Variants in CADM2 observed in about 807,000 individuals in gnomAD.
CADM2 encodes cell adhesion molecule 2.
In CADM2, 12 loss-of-function variants were observed where a neutral mutation model predicts 49.8. The observed-to-expected ratio is 0.24, with a 90% CI of 0.15 to 0.39. The LOEUF (loss-of-function observed/expected upper bound fraction) is 0.39, where lower values mean the gene tolerates loss of function less well. Ranked by LOEUF, CADM2 falls within the 10% of genes least tolerant of loss-of-function variation. The pLI is 1.00. For synonymous variants in CADM2, 214 were observed against 175.4 expected (o/e 1.22, Z -1.74); for missense variants, 378 against 492.3 (o/e 0.77, Z 2.20).
chr3:85,853,376 T>C (rs2108297901), intron 3 of CADM2, among the ~76,000 whole-genome samples: 1 of 152,166 alleles, frequency 6.6e-6, no homozygotes, highest in South Asian at 2.1e-4. Flanking sequence ...GTGAATAGAA[T>C]ATTTATGTAT....
chr3:85,836,971 T>A (rs2074437080), intron 3 of CADM2, among the ~76,000 whole-genome samples: 1 of 151,604 alleles, frequency 6.6e-6, no homozygotes, highest in Non-Finnish European at 1.5e-5. Context: ...AATTATGAAT[T>A]ACATAGGAGG....
chr3:85,111,316 A>G (rs1265230370), intron 1 of CADM2, among the ~76,000 whole-genome samples: 1 of 151,810 alleles, frequency 6.6e-6, no homozygotes, highest in African/African-American at 2.4e-5. Context: ...AACTTTTTAA[A>G]GTTAAAAAAT....
At chr3:85,942,595 T>A (rs138925793) in intron 7 of CADM2, among the ~76,000 whole-genome samples, 165 of 151,592 alleles carry the variant, frequency 1.1e-3, no homozygotes, top group African/African-American at 3.8e-3. Context: ...TATGTTTTTT[T>A]GTTCTTGCGA....
intron 7 of CADM2, among the ~76,000 whole-genome samples, chr3:85,948,342 T>C (rs75800708): frequency 0.012 from 1,779 of 151,538 alleles, 36 homozygotes; most frequent in African/African-American, 0.039. Flanking sequence ...TTTCGTAACA[T>C]GTATCATAAA....
intron 1 of CADM2, among the ~76,000 whole-genome samples, chr3:85,159,709 A>T (rs1178319030): frequency 1.3e-5 from 2 of 152,018 alleles, no homozygotes; most frequent in African/African-American, 4.8e-5. Flanking sequence ...AGCTTGGTTT[A>T]TTTTTGCTTC....
Position 85,303,401 on chromosome 3 carries a change from C to G in CADM2, c.61+343733C>G, listed in dbSNP as rs1285246389. 2.0e-5 allele frequency among the ~76,000 whole-genome samples: 3 copies of G among 151,894 alleles called. No homozygotes were observed. The East Asian group carries it at 5.8e-4, about 29-fold the overall frequency. ...AATTAGCTCTCACACCCACACTGCG[C>G]AAAGTACAGCAACTGTCTGATAGAA... On this transcript the variant is annotated intron_variant, in intron 1 of 9. Transcript: ENST00000383699.
intron 1 of CADM2, among the ~76,000 whole-genome samples, chr3:85,327,256 A>G (rs919762345): frequency 2.6e-5 from 4 of 151,634 alleles, no homozygotes; most frequent in Non-Finnish European, 4.4e-5. Context: ...ATTCATTCAT[A>G]TTTATTATTT....
chr3:85,281,636 G>T (rs2043501766), intron 1 of CADM2, among the ~76,000 whole-genome samples: 1 of 151,998 alleles, frequency 6.6e-6, no homozygotes. Flanking sequence ...AGTGTTTTGT[G>T]TTTTCAAAGA....
intron 1 of CADM2, among the ~76,000 whole-genome samples, chr3:85,411,278 G>A (rs1210827480): frequency 6.6e-6 from 1 of 152,126 alleles, no homozygotes; most frequent in Non-Finnish European, 1.5e-5. Context: ...GAGAAAGATG[G>A]ATTTGTACTG....
At position 86,069,450 on chromosome 3, in the gene CADM2, A is replaced by G. The variant is rs182386626; in HGVS notation, c.*2667A>G. 6.6e-6 allele frequency: 1 copy of G among 152,072 alleles called. No homozygotes were observed. The highest frequency in any genetic ancestry group is 2.4e-5 in the African/African-American group (1 of 41,548). The allele number at this position is 152,072 out of a possible 1,614,324, so 9.4% of individuals were successfully genotyped here. On this transcript the variant is annotated 3_prime_UTR_variant, in exon 10 of 10. Transcript: ENST00000383699. ...TGAGACACCATGTTCTGAACTGGAGAAAACAATATCAATGAAGTCATATTT... is the reference window on the plus strand; with the variant it reads ...TGAGACACCATGTTCTGAACTGGAGGAAACAATATCAATGAAGTCATATTT...
At chr3:85,956,382 C>A (rs145766332) in intron 7 of CADM2, among the ~76,000 whole-genome samples, 1 of 151,606 alleles carries the variant, frequency 6.6e-6, no homozygotes, top group Non-Finnish European at 1.5e-5. Flanking sequence ...ACTTGCTAAA[C>A]CACTTAATAT....
chr3:85,386,613 G>A lies in CADM2; in HGVS notation c.62-339909G>A, dbSNP rs116584463. Among the ~76,000 whole-genome samples, 538 of 152,294 alleles carry A rather than the reference G, an allele frequency of 3.5e-3. 3 individuals are homozygous for A. The highest frequency in any genetic ancestry group is 0.012 in the African/African-American group (484 of 41,558). On this transcript the variant is annotated intron_variant, in intron 1 of 9. Transcript: ENST00000383699. The stretch of plus-strand genomic sequence containing the variant: ...TGACAGTGTGCGTGTTGTGGGCAGA[G>A]TACTTAAACCTTGTTGTGGGTTAGT...
At chr3:85,510,412 T>TA (rs2040561717) in intron 1 of CADM2, among the ~76,000 whole-genome samples, 2 of 152,072 alleles carry the variant, frequency 1.3e-5, no homozygotes, top group South Asian at 4.1e-4. Context: ...AAACAGACAT[T>TA]ATGTAAAATG....
intron 1 of CADM2, among the ~76,000 whole-genome samples, chr3:85,591,846 T>G (rs2063117918): frequency 6.6e-6 from 1 of 152,006 alleles, no homozygotes; most frequent in Admixed American, 6.6e-5. Context: ...AAATAATCTC[T>G]GTATTTGATG....
chr3:85,773,489 A>G (rs981458260), intron 2 of CADM2, among the ~76,000 whole-genome samples: 1 of 152,080 alleles, frequency 6.6e-6, no homozygotes, highest in Admixed American at 6.6e-5. Flanking sequence ...TTCAGATGAC[A>G]GAAATGGCCA....
intron 1 of CADM2, among the ~76,000 whole-genome samples, chr3:85,291,341 G>A (rs1357187690): frequency 1.3e-5 from 2 of 151,498 alleles, no homozygotes; most frequent in Admixed American, 1.3e-4. Flanking sequence ...CGGGGAGAAT[G>A]GAACCAAGTT....
chr3:85,244,211 C>G (rs1386234786), intron 1 of CADM2, among the ~76,000 whole-genome samples: 1 of 152,028 alleles, frequency 6.6e-6, no homozygotes, highest in Non-Finnish European at 1.5e-5. Context: ...TTTTCAGTCT[C>G]TAGTTTATCA....
At chr3:85,322,942 T>C (rs1309923317) in intron 1 of CADM2, among the ~76,000 whole-genome samples, 1 of 152,216 alleles carries the variant, frequency 6.6e-6, no homozygotes, top group Non-Finnish European at 1.5e-5. Context: ...AAACTGAATA[T>C]TGGTTCCCAG....
chr3:85,978,537 C>T (rs925603830), intron 8 of CADM2, among the ~76,000 whole-genome samples: 1 of 151,456 alleles, frequency 6.6e-6, no homozygotes, highest in Non-Finnish European at 1.5e-5. Flanking sequence ...GAAGGCGTTA[C>T]CAGTTAACCA....
Sources: gnomAD v4.1 joint callset for allele counts (sites outside exome capture counted in the v4.1 genomes callset) on GRCh38, gnomAD v4.1.1 for gene constraint, MANE v1.5 for transcripts, NCBI Gene and HGNC (gene_info 2026-07-23, HGNC 2026-07-21) for gene names.